The following ZNF529 variants were observed in gnomAD, a reference collection of about 807,000 sequenced individuals.
ZNF529 encodes the protein zinc finger protein 529.
A neutral mutation model predicts 10.1 loss-of-function variants in ZNF529; 11 were observed. The ratio of observed to expected loss-of-function variants is 1.09; its 90% CI spans 0.69 to 1.81. ZNF529 has a LOEUF of 1.81. Ranked by LOEUF, ZNF529 falls within the 40% of genes most tolerant of loss-of-function variation. The probability of loss-of-function intolerance (pLI) is 0.00; values close to 1 mark genes in which losing one functional copy is unlikely to be tolerated. For missense variants in ZNF529, 624 were observed against 666.8 expected, an observed-to-expected ratio of 0.94 and a Z score of 0.71; for synonymous variants, 204 against 215.7, an observed-to-expected ratio of 0.95 and a Z score of 0.47.
chr19:36,551,838 A>C (rs909590681), intron 4 of ZNF529: 2 of 152,174 alleles, frequency 1.3e-5, no homozygotes, highest in African/African-American at 4.8e-5. Context: ...CTTTATTCTT[A>C]TACATATCAC....
At chr19:36,599,615 A>G (rs1259165349) in intron 1 of ZNF529, among the ~76,000 whole-genome samples, 1 of 152,236 alleles carries the variant, frequency 6.6e-6, no homozygotes, top group Non-Finnish European at 1.5e-5. Context: ...TTTTCTAGAT[A>G]ATAAAACTAT....
At chr19:36,570,470 A>G (rs553727268) in intron 2 of ZNF529, among the ~76,000 whole-genome samples, 13 of 152,218 alleles carry the variant, frequency 8.5e-5, no homozygotes, top group African/African-American at 3.1e-4. Flanking sequence ...GCCACGCTTC[A>G]TGTTTGTATT....
chr19:36,558,159 A>G (rs545624274), intron 2 of ZNF529, among the ~76,000 whole-genome samples: 1 of 152,174 alleles, frequency 6.6e-6, no homozygotes, highest in Non-Finnish European at 1.5e-5. Flanking sequence ...AACAAGACAA[A>G]TTAACATCTC....
At chr19:36,574,856 A>G (rs1482520756), upstream of ZNF529, 1 of 471,236 alleles carries the variant, frequency 2.1e-6, no homozygotes, top group South Asian at 1.5e-5. Context: ...GCACGTTTCC[A>G]TTTCTCCTGG....
intron 2 of ZNF529, among the ~76,000 whole-genome samples, chr19:36,567,191 T>C (rs2035931963): frequency 6.6e-6 from 1 of 152,134 alleles, no homozygotes; most frequent in Non-Finnish European, 1.5e-5. Flanking sequence ...TTTAAACCAG[T>C]GTAGCTAGGG....
At chr19:36,579,136 G>A (rs1031512301) in intron 2 of ZNF529, among the ~76,000 whole-genome samples, 1 of 151,868 alleles carries the variant, frequency 6.6e-6, no homozygotes, top group Non-Finnish European at 1.5e-5. Context: ...GGTAGGTGGA[G>A]GTTGTAGTGA....
chr19:36,591,144 C>CAA, intron 1 of ZNF529, among the ~76,000 whole-genome samples: 1 of 150,676 alleles, frequency 6.6e-6, no homozygotes, highest in South Asian at 2.1e-4. Context: ...ACTAAAAATA[C>CAA]AAAAATTAGT....
intron 1 of ZNF529, among the ~76,000 whole-genome samples, chr19:36,593,566 TGTTCCGAAAAAAAA>T (rs1463164925): frequency 6.6e-6 from 1 of 151,988 alleles, no homozygotes; most frequent in African/African-American, 2.4e-5. Context: ...TTCATTTTAC[TGTTCCGAAAAAAAA>T]GGGCTGAACC....
At chr19:36,572,419 T>G in intron 1 of ZNF529, 27 bp from the exon 2 acceptor site, 1 of 1,520,526 alleles carries the variant, frequency 6.6e-7, no homozygotes, top group Non-Finnish European at 8.9e-7. Flanking sequence ...GAGAAAGGAC[T>G]CATGACATCC....
rs575669022 is a variant in ZNF529, at chr19:36,580,114, AAT to A, written c.-41+9499_-41+9500del. The A allele has an allele frequency of 2.6e-5, 4 of 152,298 alleles. No individual in the cohort carries two copies. In the South Asian group the frequency reaches 8.3e-4, roughly 32 times the overall value. 9.4% of individuals were successfully genotyped at this position (152,298 alleles called of 1,614,324 possible). On this transcript the variant is annotated intron_variant, in intron 2 of 4. Transcript: ENST00000585960. Reference sequence around the variant, plus strand: ...GGGCCTACACAGGGTCTAGAGTATCAATATGTCTGTCTTTTACCGCCATATCT... The same window carrying A: ...GGGCCTACACAGGGTCTAGAGTATCAATGTCTGTCTTTTACCGCCATATCT...
At chr19:36,571,675 C>CAA (rs5827961) in intron 2 of ZNF529, among the ~76,000 whole-genome samples, 2,467 of 134,802 alleles carry the variant, frequency 0.018, 33 homozygotes, top group Non-Finnish European at 0.029. Context: ...AACTCTGTCT[C>CAA]AAAAAAAAAA....
chr19:36,555,740 A>G (rs551742551), intron 3 of ZNF529, among the ~76,000 whole-genome samples: 1 of 152,192 alleles, frequency 6.6e-6, no homozygotes, highest in Non-Finnish European at 1.5e-5. Flanking sequence ...ATTTTGTATG[A>G]CTTGAGGCCA....
chr19:36,578,572 T>C (rs1306900492), intron 2 of ZNF529, among the ~76,000 whole-genome samples: 1 of 151,504 alleles, frequency 6.6e-6, no homozygotes, highest in East Asian at 2.0e-4. Flanking sequence ...CCAAAAGTGC[T>C]AGGATTATAG....
Position 36,573,249 on chromosome 19 carries a change from C to G in ZNF529, c.-156G>C. 1 of 308,550 alleles carries G rather than the reference C, an allele frequency of 3.2e-6. No homozygotes were observed. Among genetic ancestry groups the G allele is most frequent in the East Asian group, 8.6e-5 (1 of 11,636 alleles). The allele number at this position is 308,550 out of a possible 1,614,324, so 19.1% of individuals were successfully genotyped here. On this transcript the variant is annotated 5_prime_UTR_variant, in exon 1 of 5. Transcript: ENST00000591340. ...CTCACCGCGAGCTCCTCCCGCAGCC[C>G]GGCCCGGGTCACCTCGACTCGCCAG...
intron 2 of ZNF529, among the ~76,000 whole-genome samples, chr19:36,578,560 C>A (rs536916016): frequency 6.6e-6 from 1 of 151,468 alleles, no homozygotes; most frequent in Non-Finnish European, 1.5e-5. Flanking sequence ...CCGCCTCAGC[C>A]TCCAAAAGTG....
intron 1 of ZNF529, among the ~76,000 whole-genome samples, chr19:36,592,887 C>T (rs990622160): frequency 1.3e-5 from 2 of 151,978 alleles, no homozygotes; most frequent in Non-Finnish European, 2.9e-5. Flanking sequence ...AAAAAATTAT[C>T]GGACAAAATA....
At chr19:36,596,284 G>C (rs932540213) in intron 1 of ZNF529, among the ~76,000 whole-genome samples, 1 of 151,618 alleles carries the variant, frequency 6.6e-6, no homozygotes, top group African/African-American at 2.4e-5. Context: ...ATGTTGGCCA[G>C]GGTGGTCTCG....
chr19:36,553,165 G>A (rs1000543165), intron 4 of ZNF529, among the ~76,000 whole-genome samples: 2 of 152,036 alleles, frequency 1.3e-5, no homozygotes, highest in African/African-American at 4.8e-5. Flanking sequence ...TTGCCCTGTT[G>A]CCCAGGCTGG....
At chr19:36,600,425 T>A (rs777749263) in intron 1 of ZNF529, among the ~76,000 whole-genome samples, 1 of 152,342 alleles carries the variant, frequency 6.6e-6, no homozygotes, top group African/African-American at 2.4e-5. Flanking sequence ...AGCAATTCAT[T>A]GTGTACTTTT....
Sources: allele counts gnomAD v4.1 joint callset (sites outside exome capture counted in the v4.1 genomes callset), GRCh38; gene constraint gnomAD v4.1.1; transcripts MANE v1.5; gene names NCBI Gene and HGNC (gene_info 2026-07-23, HGNC 2026-07-21).